The following AJAP1 variants were observed in gnomAD, a reference collection of about 807,000 sequenced individuals.
AJAP1 encodes adherens junctions associated protein 1, also known as adherens junction-associated protein 1.
Under a neutral mutation model 35.0 loss-of-function variants are expected in AJAP1, and 5 were observed. That is an observed-to-expected ratio of 0.14 (90% confidence interval 0.07 to 0.30). AJAP1 has a LOEUF of 0.30. Among genes scored for constraint, AJAP1 ranks in the 10% least tolerant of loss-of-function variants. The pLI is 1.00. For synonymous variants in AJAP1, 284 were observed against 249.3 expected (o/e 1.14, Z -1.31); for missense variants, 586 against 571.0 (o/e 1.03, Z -0.27).
chr1:4,717,407 C>G (rs148637984), intron 2 of AJAP1, among the ~76,000 whole-genome samples: 1 of 152,198 alleles, frequency 6.6e-6, no homozygotes, highest in South Asian at 2.1e-4. Context: ...AGAAACCTCG[C>G]CACCCAGGAG....
At chr1:4,703,626 C>G (rs1640035838) in intron 1 of AJAP1, among the ~76,000 whole-genome samples, 1 of 152,170 alleles carries the variant, frequency 6.6e-6, no homozygotes, top group African/African-American at 2.4e-5. Flanking sequence ...TGGTGGAACT[C>G]ACATCTTATC....
intron 1 of AJAP1, among the ~76,000 whole-genome samples, chr1:4,679,062 A>G (rs1639420108): frequency 6.6e-6 from 1 of 152,222 alleles, no homozygotes; most frequent in South Asian, 2.1e-4. Context: ...CTAGAAGGCC[A>G]GGGGCAAGCT....
At chr1:4,726,342 A>T (rs902695673) in intron 2 of AJAP1, among the ~76,000 whole-genome samples, 4 of 152,168 alleles carry the variant, frequency 2.6e-5, no homozygotes, top group Non-Finnish European at 5.9e-5. Flanking sequence ...TGCATGCGGT[A>T]TTCCAACATC....
intron 1 of AJAP1, among the ~76,000 whole-genome samples, chr1:4,708,916 T>TA (rs1640161415): frequency 6.6e-6 from 1 of 152,126 alleles, no homozygotes; most frequent in Non-Finnish European, 1.5e-5. Context: ...TCAATCACTT[T>TA]AAAAAGGAAG....
chr1:4,750,698 A>G (rs566986720), intron 2 of AJAP1, among the ~76,000 whole-genome samples: 1 of 150,954 alleles, frequency 6.6e-6, no homozygotes, highest in African/African-American at 2.4e-5. Context: ...CCAGTGACAC[A>G]CCCTCCTCCT....
chr1:4,662,753 G>A (rs1639028472), intron 1 of AJAP1, among the ~76,000 whole-genome samples: 1 of 152,386 alleles, frequency 6.6e-6, no homozygotes, highest in Non-Finnish European at 1.5e-5. Flanking sequence ...CTACACACAA[G>A]CCATTGTTGA....
At chr1:4,700,281 G>C (rs572347858) in intron 1 of AJAP1, among the ~76,000 whole-genome samples, 2 of 152,132 alleles carry the variant, frequency 1.3e-5, no homozygotes, top group Non-Finnish European at 2.9e-5. Context: ...CAGGTTTGAG[G>C]GAGGCCCTGG....
Position 4,766,915 on chromosome 1 carries a change from C to G in AJAP1, c.830-2938C>G, listed in dbSNP as rs564861651. 1.1e-3 allele frequency among the ~76,000 whole-genome samples: 169 copies of G among 152,156 alleles called. 2 individuals carry two copies. The highest frequency in any genetic ancestry group is 3.4e-3 in the Middle Eastern group (1 of 294). On this transcript the variant is annotated intron_variant, in intron 2 of 5. Transcript: ENST00000378191. ...TGGGGTGGAGATGGGTTACATCGAT[C>G]CCAGGTGTGAAGGCTTAGCTAGGTG... is the stretch of plus-strand genomic sequence containing the variant.
chr1:4,740,410 A>G (rs982661073), intron 2 of AJAP1, among the ~76,000 whole-genome samples: 9 of 13,988 alleles, frequency 6.4e-4, no homozygotes, highest in African/African-American at 2.3e-3. Flanking sequence ...CAGTTTTGGG[A>G]AAATGAAAAA....
intron 1 of AJAP1, among the ~76,000 whole-genome samples, chr1:4,674,014 C>T (rs1277589097): frequency 1.7e-5 from 2 of 114,564 alleles, no homozygotes; most frequent in Non-Finnish European, 3.3e-5. Context: ...CCAGGTTTTG[C>T]ATGAGATAGG....
intron 2 of AJAP1, among the ~76,000 whole-genome samples, chr1:4,738,053 C>T (rs1256813940): frequency 6.6e-6 from 1 of 152,238 alleles, no homozygotes; most frequent in African/African-American, 2.4e-5. Flanking sequence ...AACAGCTTCC[C>T]AGGCTTGATT....
At chr1:4,731,728 C>T (rs1395403844) in intron 2 of AJAP1, among the ~76,000 whole-genome samples, 3 of 152,210 alleles carry the variant, frequency 2.0e-5, no homozygotes, top group Non-Finnish European at 4.4e-5. Flanking sequence ...CTCCAGCCTG[C>T]CTGAGACAAA....
At chr1:4,702,448 G>A (rs1219426543) in intron 1 of AJAP1, among the ~76,000 whole-genome samples, 1 of 152,256 alleles carries the variant, frequency 6.6e-6, no homozygotes, top group Admixed American at 6.5e-5. Flanking sequence ...AAGGAGGTCA[G>A]TTAGAGAGTT....
Position 4,712,694 on chromosome 1 carries a change from C to T in AJAP1, c.824C>T (p.Ala275Val), listed in dbSNP as rs764195645. ...CAGCCCCCAAGGATTCTGGGGGAGG[C>T]CTCAGGTACAGCCATCTCTCTTCTG... Reference protein sequence around the residue: ...VTQPPRILGEASGLAVHQIIT... With the variant: ...VTQPPRILGEVSGLAVHQIIT... The change falls in exon 2 of 6, where the codon GCC becomes GTC. Residue 275 changes from alanine to valine, a missense_variant. By Grantham distance (64) the Ala-to-Val change is moderately conservative (BLOSUM62 0). Coordinates refer to ENST00000378191, the MANE Select transcript of AJAP1 (RefSeq NM_018836.4). 1 of 1,512,382 alleles carries T rather than the reference C, an allele frequency of 6.6e-7. No individual in the cohort carries two copies. The highest frequency in any genetic ancestry group is 1.4e-5 in the African/African-American group (1 of 71,794). 93.7% of individuals were successfully genotyped at this position (1,512,382 alleles called of 1,614,324 possible).
chr1:4,779,053 C>T (rs943435521), intron 5 of AJAP1, among the ~76,000 whole-genome samples: 3 of 152,180 alleles, frequency 2.0e-5, no homozygotes, highest in African/African-American at 7.2e-5. Context: ...CAGATGGTCC[C>T]ATACCGAAGA....
chr1:4,683,851 A>G (rs1019445153), intron 1 of AJAP1, among the ~76,000 whole-genome samples: 2 of 152,206 alleles, frequency 1.3e-5, no homozygotes, highest in African/African-American at 4.8e-5. Context: ...GCACAGGTGC[A>G]GTGTTAGACG....
intron 5 of AJAP1, among the ~76,000 whole-genome samples, chr1:4,781,440 C>T (rs1342735147): frequency 6.6e-6 from 1 of 152,232 alleles, no homozygotes. Context: ...CTGCTAAGCT[C>T]CAACGATGAC....
chr1:4,738,159 G>A (rs1369680613), intron 2 of AJAP1, among the ~76,000 whole-genome samples: 4 of 152,182 alleles, frequency 2.6e-5, no homozygotes, highest in Non-Finnish European at 4.4e-5. Context: ...AAGCCCAGGC[G>A]TCCTTCAAGC....
At chr1:4,727,037 G>T (rs750209791) in intron 2 of AJAP1, among the ~76,000 whole-genome samples, 1 of 152,194 alleles carries the variant, frequency 6.6e-6, no homozygotes, top group Non-Finnish European at 1.5e-5. Flanking sequence ...GCCACCCCCC[G>T]CAGCGAGCCA....
Sources: gnomAD v4.1 joint callset for allele counts (sites outside exome capture counted in the v4.1 genomes callset) on GRCh38, gnomAD v4.1.1 for gene constraint, MANE v1.5 for transcripts, NCBI Gene and HGNC (gene_info 2026-07-23, HGNC 2026-07-21) for gene names.